The following CCDC71L variants were observed in gnomAD, a reference collection of about 807,000 sequenced individuals.
CCDC71L encodes coiled-coil domain containing 71 like.
CCDC71L carries 6 observed loss-of-function variants against 10.2 expected under a neutral mutation model. The observed-to-expected ratio is 0.59, with a 90% CI of 0.32 to 1.16. The LOEUF (loss-of-function observed/expected upper bound fraction) is 1.16. Among genes scored for constraint, CCDC71L ranks in the 50% most tolerant of loss-of-function variants. CCDC71L has a pLI of 0.05. For synonymous variants in CCDC71L, 204 were observed against 175.5 expected (o/e 1.16, Z -1.28); for missense variants, 366 against 383.4 (o/e 0.95, Z 0.38).
chr7:106,660,127 C>T lies in CCDC71L; in HGVS notation c.*62G>A. 6.9e-7 allele frequency: 1 copy of T among 1,440,690 alleles called. No individual in the cohort carries two copies. The highest frequency in any genetic ancestry group is 9.0e-7 in the Non-Finnish European group (1 of 1,105,920). The allele number at this position is 1,440,690 out of a possible 1,614,324, so 89.2% of individuals were successfully genotyped here. ...AACACTCGACTGACACTTGTTCATT[C>T]CTCCGGGCGGAAGGCCTGTCCCAAG... is the stretch of plus-strand genomic sequence containing the variant. On this transcript the variant is annotated 3_prime_UTR_variant, in exon 1 of 1. Coordinates refer to ENST00000523505, the MANE Select transcript of CCDC71L (RefSeq NM_175884.6). This position sits in a 1 kb window ranked among gnomAD's most constrained non-coding sequence, Gnocchi z 7.5.
At position 106,660,205 on chromosome 7, in the gene CCDC71L, G is replaced by A. The variant is rs757367992; in HGVS notation, c.692C>T (p.Pro231Leu). 6.4e-6 allele frequency: 10 copies of A among 1,566,396 alleles called. No individual in the cohort carries two copies. The East Asian group carries it at 7.3e-5, about 11-fold the overall frequency. The change falls in exon 1 of 1, where the codon CCG (proline) becomes CTG (leucine). Residue 231 changes from proline to leucine, a missense_variant. Transcript: ENST00000523505. This position sits in a 1 kb window ranked among gnomAD's most constrained non-coding sequence, Gnocchi z 7.5. ...LEPMVRLRRF[P>L]VPRA ...GGCCGCACCTCATGCCCGGGGCACC[G>A]GGAAGCGGCGGAGCCTCACCATGGG...
rs868053849 is a variant in CCDC71L, at chr7:106,657,291, G to A, written c.*2898C>T. 6.6e-6 allele frequency: 1 copy of A among 152,120 alleles called. No individual in the cohort carries two copies. Among genetic ancestry groups the A allele is most frequent in the Non-Finnish European group, 1.5e-5 (1 of 67,994 alleles). The allele number at this position is 152,120 out of a possible 1,614,324, so 9.4% of individuals were successfully genotyped here. ...AAATACATTGCTGGTTGACAGGAAG[G>A]ATAAAAATGACATCAAGAATCTCAA... On this transcript the variant is annotated 3_prime_UTR_variant, in exon 1 of 1. Transcript: ENST00000523505.
chr7:106,661,051 C>T lies in CCDC71L; in HGVS notation c.-155G>A. On this transcript the variant is annotated 5_prime_UTR_variant, in exon 1 of 1. Coordinates refer to ENST00000523505, the MANE Select transcript of CCDC71L (RefSeq NM_175884.6). ...CCTCCCCCTCCGAGGGCGGAGGACG[C>T]GGGCGAATATCCTGCTGCCCGGTAC... is the stretch of plus-strand genomic sequence containing the variant. The T allele has an allele frequency of 8.9e-7, 1 of 1,117,918 alleles. No homozygotes were observed. Among genetic ancestry groups the T allele is most frequent in the Non-Finnish European group, 1.2e-6 (1 of 861,030 alleles). The allele number at this position is 1,117,918 out of a possible 1,614,324, so 69.2% of individuals were successfully genotyped here.
At position 106,657,398 on chromosome 7, in the gene CCDC71L, T is replaced by C. The variant is rs1199720504; in HGVS notation, c.*2791A>G. 1 of 152,164 alleles carries C rather than the reference T, an allele frequency of 6.6e-6. No individual in the cohort carries two copies. The highest frequency in any genetic ancestry group is 1.9e-4 in the East Asian group (1 of 5,198). The allele number at this position is 152,164 out of a possible 1,614,324, so 9.4% of individuals were successfully genotyped here. A position where few individuals can be genotyped will look rare whatever the true frequency, so the allele number is the denominator to read the frequency against. On this transcript the variant is annotated 3_prime_UTR_variant, in exon 1 of 1. Coordinates refer to ENST00000523505, the MANE Select transcript of CCDC71L (RefSeq NM_175884.6). ...TAAAAGCATAGCGAGGTGATGAATTTCCTCCTGGCTTCCCCCTCTACTTGT... is the reference window on the plus strand; with the variant it reads ...TAAAAGCATAGCGAGGTGATGAATTCCCTCCTGGCTTCCCCCTCTACTTGT...
rs1464592678 is a variant in CCDC71L at position 106,660,046 on chromosome 7, G to A, written c.*143C>T. ...CGGCCCGGGACAGGGACAACCATCC[G>A]GCAACTTCTTCGCGCGTAAAGTGCA... On this transcript the variant is annotated 3_prime_UTR_variant, in exon 1 of 1. Coordinates refer to ENST00000523505, the MANE Select transcript of CCDC71L (RefSeq NM_175884.6). The surrounding 1 kb of genome is among the most constrained non-coding windows in gnomAD (Gnocchi z 7.5). The A allele has an allele frequency of 7.7e-6, 9 of 1,168,372 alleles. No individual in the cohort carries two copies. The highest frequency in any genetic ancestry group is 1.8e-5 in the South Asian group (1 of 54,746). 72.4% of individuals were successfully genotyped at this position (1,168,372 alleles called of 1,614,324 possible).
chr7:106,660,992 G>T lies in CCDC71L; in HGVS notation c.-96C>A, dbSNP rs1052458051. On this transcript the variant is annotated 5_prime_UTR_variant, in exon 1 of 1. Transcript: ENST00000523505. The surrounding 1 kb of genome is among the most constrained non-coding windows in gnomAD (Gnocchi z 7.5). ...CTCCGCGGCGGCGGCTGCTGCTGGC[G>T]TCTCTCGCTACTTTTCTCGCCTCCG... 8.5e-6 allele frequency: 11 copies of T among 1,290,548 alleles called. No homozygotes were observed. The highest frequency in any genetic ancestry group is 6.2e-5 in the African/African-American group (4 of 64,112). The allele number at this position is 1,290,548 out of a possible 1,614,324, so 79.9% of individuals were successfully genotyped here. A position where few individuals can be genotyped will look rare whatever the true frequency, so the allele number is the denominator to read the frequency against.
In CCDC71L at chr7:106,658,415, C is replaced by T. The variant is rs903332269; in HGVS notation, c.*1774G>A. On this transcript the variant is annotated 3_prime_UTR_variant, in exon 1 of 1. Coordinates refer to ENST00000523505, the MANE Select transcript of CCDC71L (RefSeq NM_175884.6). ...AACAAGAACACTGAAATTGAAGTCA[C>T]AACACTCCTATACGGACTACTAAAC... 1 of 152,154 alleles carries T rather than the reference C, an allele frequency of 6.6e-6. No individual in the cohort carries two copies. Among genetic ancestry groups the T allele is most frequent in the African/African-American group, 2.4e-5 (1 of 41,414 alleles). The allele number at this position is 152,154 out of a possible 1,614,324, so 9.4% of individuals were successfully genotyped here. A position where few individuals can be genotyped will look rare whatever the true frequency, so the allele number is the denominator to read the frequency against.
At position 106,655,336 on chromosome 7, in the gene CCDC71L, G is replaced by A. The variant is rs547078146; in HGVS notation, c.*4853C>T. On this transcript the variant is annotated 3_prime_UTR_variant, in exon 1 of 1. Coordinates refer to ENST00000523505, the MANE Select transcript of CCDC71L (RefSeq NM_175884.6). Reference sequence around the variant, plus strand: ...GAGGATGTTCTATTCTCTGTGCTATGAGGAATTAAACCTAAATTACAGGCT... The same window carrying A: ...GAGGATGTTCTATTCTCTGTGCTATAAGGAATTAAACCTAAATTACAGGCT... Among the ~76,000 whole-genome samples the A allele has an allele frequency of 9.5e-4, 145 of 152,276 alleles. No homozygotes were observed. The highest frequency in any genetic ancestry group is 1.9e-3 in the Non-Finnish European group (130 of 67,986).
rs757029438 is a variant in CCDC71L, at chr7:106,660,557, G to T, written c.340C>A (p.Pro114Thr). The change falls in exon 1 of 1, where the codon CCC (proline) becomes ACC (threonine). Residue 114 changes from proline to threonine, a missense_variant. Physicochemically the swap from Pro to Thr is conservative, Grantham distance 38. Transcript: ENST00000523505. This position sits in a 1 kb window ranked among gnomAD's most constrained non-coding sequence, Gnocchi z 7.5. ...CGCGCCTGGCCGCGGGCTGTAGGGG[G>T]CCCCGGGGGGTCGGGTACCAGGGCC... Reference protein sequence around the residue: ...CRALVPDPPGPPTARGQARRP... With the variant: ...CRALVPDPPGTPTARGQARRP... 2.0e-6 allele frequency: 3 copies of T among 1,525,032 alleles called. No homozygotes were observed. Among genetic ancestry groups the T allele is most frequent in the East Asian group, 2.7e-5 (1 of 37,420 alleles). 94.5% of individuals were successfully genotyped at this position (1,525,032 alleles called of 1,614,324 possible). A position where few individuals can be genotyped will look rare whatever the true frequency, so the allele number is the denominator to read the frequency against.
In CCDC71L at chr7:106,659,451, TAGG is replaced by T. The variant is rs1272093560; in HGVS notation, c.*735_*737del. The T allele has an allele frequency of 6.6e-6, 1 of 152,668 alleles. No homozygotes were observed. The highest frequency in any genetic ancestry group is 1.5e-5 in the Non-Finnish European group (1 of 68,030). 9.5% of individuals were successfully genotyped at this position (152,668 alleles called of 1,614,324 possible). A position where few individuals can be genotyped will look rare whatever the true frequency, so the allele number is the denominator to read the frequency against. On this transcript the variant is annotated 3_prime_UTR_variant, in exon 1 of 1. Transcript: ENST00000523505. The stretch of plus-strand genomic sequence containing the variant: ...GTTTTCATGTGTATTCTACCATTTT[TAGG>T]AGCTCAGTAAATATAAACATTGTTT...
At position 106,661,014 on chromosome 7, in the gene CCDC71L, T is replaced by TCCG. The variant is rs754014026; in HGVS notation, c.-121_-119dup. 4.4e-5 allele frequency: 56 copies of TCCG among 1,263,444 alleles called. No individual in the cohort carries two copies. The highest frequency in any genetic ancestry group is 5.5e-5 in the Non-Finnish European group (55 of 997,236). The allele number at this position is 1,263,444 out of a possible 1,614,324, so 78.3% of individuals were successfully genotyped here. ...GGCGTCTCTCGCTACTTTTCTCGCC[T>TCCG]CCGCCGCCGCCCCTCCCCCTCCGAG... On this transcript the variant is annotated 5_prime_UTR_variant, in exon 1 of 1. Transcript: ENST00000523505.
rs1367245016 is a variant in CCDC71L at position 106,656,546 on chromosome 7, G to A, written c.*3643C>T. On this transcript the variant is annotated 3_prime_UTR_variant, in exon 1 of 1. Coordinates refer to ENST00000523505, the MANE Select transcript of CCDC71L (RefSeq NM_175884.6). The stretch of plus-strand genomic sequence containing the variant: ...TGCTGGCAAACTGGTTAATAAGTTG[G>A]GCTTGTAGCGCCATCCTAAAAATTC... Among the ~76,000 whole-genome samples the A allele has an allele frequency of 1.3e-5, 2 of 151,348 alleles. No individual in the cohort carries two copies. Among genetic ancestry groups the A allele is most frequent in the Non-Finnish European group, 2.9e-5 (2 of 67,880 alleles).
In CCDC71L at chr7:106,655,930, C is replaced by T. The variant is rs1026982258; in HGVS notation, c.*4259G>A. 6.6e-6 allele frequency among the ~76,000 whole-genome samples: 1 copy of T among 152,084 alleles called. No individual in the cohort carries two copies. Among genetic ancestry groups the T allele is most frequent in the South Asian group, 2.1e-4 (1 of 4,832 alleles). The stretch of plus-strand genomic sequence containing the variant: ...CTGGAGAGCTAAACTCACAACGGAC[C>T]ACTCTCAGCTTATATACCTATTCTC... On this transcript the variant is annotated 3_prime_UTR_variant, in exon 1 of 1. Transcript: ENST00000523505.
chr7:106,661,001 T>C lies in CCDC71L; in HGVS notation c.-105A>G, dbSNP rs535643729. The stretch of plus-strand genomic sequence containing the variant: ...GGCGGCTGCTGCTGGCGTCTCTCGC[T>C]ACTTTTCTCGCCTCCGCCGCCGCCC... On this transcript the variant is annotated 5_prime_UTR_variant, in exon 1 of 1. An upstream open reading frame in the 5' UTR loses its in-frame stop. Coordinates refer to ENST00000523505, the MANE Select transcript of CCDC71L (RefSeq NM_175884.6). 370 of 1,282,108 alleles carry C rather than the reference T, an allele frequency of 2.9e-4. 3 individuals are homozygous for C. The South Asian group carries it at 4.4e-3, about 15-fold the overall frequency. The allele number at this position is 1,282,108 out of a possible 1,614,324, so 79.4% of individuals were successfully genotyped here.
At position 106,658,547 on chromosome 7, in the gene CCDC71L, T is replaced by C. The variant is rs1360404781; in HGVS notation, c.*1642A>G. 1.3e-5 allele frequency: 2 copies of C among 152,516 alleles called. No individual in the cohort carries two copies. The highest frequency in any genetic ancestry group is 6.5e-5 in the Admixed American group (1 of 15,280). 9.4% of individuals were successfully genotyped at this position (152,516 alleles called of 1,614,324 possible). Reference sequence around the variant, plus strand: ...AAAAAGCTGCCAAGCAGAGATAAGCTTTAGTATTAAAGATTTCACATGTCA... The same window carrying C: ...AAAAAGCTGCCAAGCAGAGATAAGCCTTAGTATTAAAGATTTCACATGTCA... On this transcript the variant is annotated 3_prime_UTR_variant, in exon 1 of 1. Transcript: ENST00000523505.
In CCDC71L at chr7:106,659,257, AG is replaced by A. The variant is rs1364917894; in HGVS notation, c.*931del. ...CATAATATTCCTAGATTTGTATGTT[AG>A]ACCAGGACAGGGGGCCAAATCATCT... On this transcript the variant is annotated 3_prime_UTR_variant, in exon 1 of 1. Coordinates refer to ENST00000523505, the MANE Select transcript of CCDC71L (RefSeq NM_175884.6). The A allele has an allele frequency of 6.6e-6, 1 of 152,234 alleles. No individual in the cohort carries two copies. Among genetic ancestry groups the A allele is most frequent in the Non-Finnish European group, 1.5e-5 (1 of 68,034 alleles). The allele number at this position is 152,234 out of a possible 1,614,324, so 9.4% of individuals were successfully genotyped here. A position where few individuals can be genotyped will look rare whatever the true frequency, so the allele number is the denominator to read the frequency against.
In CCDC71L at chr7:106,660,527, G is replaced by T. The variant is rs1792574720; in HGVS notation, c.370C>A (p.Pro124Thr). The change falls in exon 1 of 1, where the codon CCG becomes ACG. Residue 124 changes from proline (P) to threonine (T), a missense_variant. Coordinates refer to ENST00000523505, the MANE Select transcript of CCDC71L (RefSeq NM_175884.6). This position sits in a 1 kb window ranked among gnomAD's most constrained non-coding sequence, Gnocchi z 7.5. ...CTCCTGGCCGCTGCGCGCGGAACCG[G>T]CCGGCGCGCCTGGCCGCGGGCTGTA... ...PPTARGQARR[P>T]VPRAAARRRR... 2 of 1,452,932 alleles carry T rather than the reference G, an allele frequency of 1.4e-6. No individual in the cohort carries two copies. Among genetic ancestry groups the T allele is most frequent in the South Asian group, 2.7e-5 (2 of 75,082 alleles). 90.0% of individuals were successfully genotyped at this position (1,452,932 alleles called of 1,614,324 possible). A position where few individuals can be genotyped will look rare whatever the true frequency, so the allele number is the denominator to read the frequency against.
At position 106,660,037 on chromosome 7, in the gene CCDC71L, C is replaced by G. The variant is rs765599322; in HGVS notation, c.*152G>C. 43 of 1,108,772 alleles carry G rather than the reference C, an allele frequency of 3.9e-5. No homozygotes were observed. Among genetic ancestry groups the G allele is most frequent in the Admixed American group, 7.9e-5 (2 of 25,472 alleles). 68.7% of individuals were successfully genotyped at this position (1,108,772 alleles called of 1,614,324 possible). A position where few individuals can be genotyped will look rare whatever the true frequency, so the allele number is the denominator to read the frequency against. ...ACCGCGCCGCGGCCCGGGACAGGGA[C>G]AACCATCCGGCAACTTCTTCGCGCG... On this transcript the variant is annotated 3_prime_UTR_variant, in exon 1 of 1. Coordinates refer to ENST00000523505, the MANE Select transcript of CCDC71L (RefSeq NM_175884.6). This position sits in a 1 kb window ranked among gnomAD's most constrained non-coding sequence, Gnocchi z 7.5.
In CCDC71L at chr7:106,660,471, G is replaced by A. The variant is rs557699064; in HGVS notation, c.426C>T (p.Ala142=). The A allele has an allele frequency of 1.3e-4, 164 of 1,224,922 alleles. 1 individual carries two copies. In the African/African-American group the frequency reaches 2.5e-3, roughly 19 times the overall value. 75.9% of individuals were successfully genotyped at this position (1,224,922 alleles called of 1,614,324 possible). A position where few individuals can be genotyped will look rare whatever the true frequency, so the allele number is the denominator to read the frequency against. Reference sequence around the variant, plus strand: ...GTGGCGGCCGGGGCTTCCTCCTGCGGGCAGCGGCCGCCCGGGCTCCGCGGC... The same window carrying A: ...GTGGCGGCCGGGGCTTCCTCCTGCGAGCAGCGGCCGCCCGGGCTCCGCGGC... ...RRRRGARAAA[A]RRRKPRPPPP... The change falls in exon 1 of 1, where the codon GCC becomes GCT. Residue 142 remains alanine (A), a synonymous_variant. Transcript: ENST00000523505. This position sits in a 1 kb window ranked among gnomAD's most constrained non-coding sequence, Gnocchi z 7.5.
Sources: allele counts gnomAD v4.1 joint callset (sites outside exome capture counted in the v4.1 genomes callset), GRCh38; gene constraint gnomAD v4.1.1; non-coding constraint Gnocchi (gnomAD v3.1); transcripts MANE v1.5; gene names NCBI Gene and HGNC (gene_info 2026-07-23, HGNC 2026-07-21).